Variants in LAMA2 observed in about 807,000 individuals in gnomAD.
LAMA2 encodes laminin subunit alpha 2, also known as laminin subunit alpha-2.
A neutral mutation model predicts 364.8 loss-of-function variants in LAMA2; 269 were observed. The observed-to-expected ratio is 0.74, with a 90% CI of 0.67 to 0.82. LAMA2 has a LOEUF of 0.82. Ranked by LOEUF, LAMA2 falls within the 40% of genes least tolerant of loss-of-function variation. LAMA2 has a pLI of 0.00. For synonymous variants in LAMA2, 1,379 were observed against 1,370.6 expected (o/e 1.01, Z -0.14); for missense variants, 3,807 against 3,873.2 (o/e 0.98, Z 0.45).
chr6:128,938,387 G>A (rs1779961096), intron 1 of LAMA2, among the ~76,000 whole-genome samples: 1 of 152,076 alleles, frequency 6.6e-6, no homozygotes, highest in African/African-American at 2.4e-5. Context: ...GACACTGTTT[G>A]CATGAATTAT....
chr6:129,136,098 C>T (rs1410577447), intron 4 of LAMA2, among the ~76,000 whole-genome samples: 1 of 150,886 alleles, frequency 6.6e-6, no homozygotes, highest in Non-Finnish European at 1.5e-5. Flanking sequence ...TTGAAAATTT[C>T]AGGCACTTAG....
chr6:129,226,052 C>T (rs1784248439), intron 12 of LAMA2, among the ~76,000 whole-genome samples: 2 of 152,174 alleles, frequency 1.3e-5, no homozygotes, highest in South Asian at 4.1e-4. Context: ...GGATAGTTAG[C>T]TCTTCTTGTT....
At chr6:129,017,961 C>G (rs1420226304) in intron 1 of LAMA2, among the ~76,000 whole-genome samples, 1 of 151,548 alleles carries the variant, frequency 6.6e-6, no homozygotes, top group African/African-American at 2.4e-5. Flanking sequence ...TATTTAACAT[C>G]CTGAAATCAG....
chr6:128,979,975 T>G (rs1782764127), intron 1 of LAMA2, among the ~76,000 whole-genome samples: 1 of 152,216 alleles, frequency 6.6e-6, no homozygotes, highest in African/African-American at 2.4e-5. Flanking sequence ...ACTAGGCAGA[T>G]GGGCTAGGTT....
At chr6:129,300,184 T>C (rs1046975912) in intron 21 of LAMA2, among the ~76,000 whole-genome samples, 5 of 152,184 alleles carry the variant, frequency 3.3e-5, no homozygotes, top group African/African-American at 1.2e-4. Flanking sequence ...AGTATCTTTA[T>C]ATATAAACAG....
intron 1 of LAMA2, among the ~76,000 whole-genome samples, chr6:128,979,931 A>G (rs1440923608): frequency 2.0e-5 from 3 of 152,242 alleles, no homozygotes; most frequent in Non-Finnish European, 4.4e-5. Context: ...TTTTGGAATT[A>G]TAATACAGGA....
chr6:129,399,449 T>C (rs1007752690), intron 37 of LAMA2, among the ~76,000 whole-genome samples: 2 of 152,188 alleles, frequency 1.3e-5, no homozygotes, highest in Admixed American at 6.5e-5. Flanking sequence ...TGCTGGTGAA[T>C]GGGCTGCACA....
chr6:129,297,291 C>A (rs918152097), intron 20 of LAMA2, among the ~76,000 whole-genome samples: 1 of 151,954 alleles, frequency 6.6e-6, no homozygotes, highest in Admixed American at 6.6e-5. Context: ...AAGTAGGAGT[C>A]CATAGATCTG....
At chr6:129,066,115 G>C (rs911224475) in intron 3 of LAMA2, among the ~76,000 whole-genome samples, 23 of 130,162 alleles carry the variant, frequency 1.8e-4, no homozygotes, top group African/African-American at 6.1e-4. Context: ...GCGGGATCTC[G>C]GCTCACTGCA....
chr6:128,890,222 C>T (rs771012140), intron 1 of LAMA2, among the ~76,000 whole-genome samples: 2 of 152,088 alleles, frequency 1.3e-5, no homozygotes, highest in African/African-American at 4.8e-5. Flanking sequence ...CATTTACTTA[C>T]GTAGCAGAGC....
At chr6:129,364,988 G>A (rs1326743258) in intron 32 of LAMA2, among the ~76,000 whole-genome samples, 1 of 152,176 alleles carries the variant, frequency 6.6e-6, no homozygotes, top group African/African-American at 2.4e-5. Context: ...ACTCTGTCAT[G>A]AGAACATCAC....
In LAMA2 at chr6:129,104,038, C is replaced by CT. The variant is rs569507476; in HGVS notation, c.639+5626dup. Among the ~76,000 whole-genome samples, 111 of 151,472 alleles carry CT rather than the reference C, an allele frequency of 7.3e-4. No individual in the cohort carries two copies. The Middle Eastern group carries it at 0.01, about 14-fold the overall frequency. On this transcript the variant is annotated intron_variant, in intron 4 of 64. Coordinates refer to ENST00000421865, the MANE Select transcript of LAMA2 (RefSeq NM_000426.4). ...CCTTCCTTCCTTTTTTTTCTTTCTT[C>CT]TTTACAAACAGGTTCTCATTGTGTT... is the stretch of plus-strand genomic sequence containing the variant.
intron 3 of LAMA2, among the ~76,000 whole-genome samples, chr6:129,067,116 C>T (rs1330357462): frequency 6.6e-6 from 1 of 152,212 alleles, no homozygotes; most frequent in Non-Finnish European, 1.5e-5. Context: ...AAACAATCAA[C>T]ATGGCTGCTC....
At chr6:128,928,556 A>G (rs1779241724) in intron 1 of LAMA2, among the ~76,000 whole-genome samples, 1 of 152,222 alleles carries the variant, frequency 6.6e-6, no homozygotes, top group African/African-American at 2.4e-5. Context: ...AAGCCGTTCA[A>G]GGAGAGGGAA....
chr6:129,349,234 G>A (rs911574214), intron 30 of LAMA2, 64 bp from the exon 31 acceptor site: 2 of 1,251,120 alleles, frequency 1.6e-6, no homozygotes, highest in African/African-American at 1.5e-5. Flanking sequence ...ATCATGGATA[G>A]GAATACTATT....
rs746619837 is a variant in LAMA2, at chr6:129,267,083, C to G, written c.2209-23C>G. Reference sequence around the variant, plus strand: ...TTTTTGTTTTAATCTCCAAGACTGACTAAAGCCTTATCTTTCTCTCAGTCT... The same window carrying G: ...TTTTTGTTTTAATCTCCAAGACTGAGTAAAGCCTTATCTTTCTCTCAGTCT... On this transcript the variant is annotated intron_variant, in intron 15 of 64. Transcript: ENST00000421865. 4.2e-6 allele frequency: 6 copies of G among 1,441,866 alleles called. No individual in the cohort carries two copies. In the Admixed American group the frequency reaches 1.0e-4, roughly 24 times the overall value. The allele number at this position is 1,441,866 out of a possible 1,614,324, so 89.3% of individuals were successfully genotyped here.
intron 41 of LAMA2, among the ~76,000 whole-genome samples, chr6:129,436,564 TATTGAAG>T (rs2114757343): frequency 6.6e-6 from 1 of 152,254 alleles, no homozygotes; most frequent in South Asian, 2.1e-4. Context: ...TTTACAGGTA[TATTGAAG>T]GGTAAATTTC....
At chr6:128,954,002 T>C (rs1043697466) in intron 1 of LAMA2, among the ~76,000 whole-genome samples, 4 of 152,192 alleles carry the variant, frequency 2.6e-5, no homozygotes, top group African/African-American at 7.2e-5. Context: ...ATTTTTGTTA[T>C]GCTAAATTTC....
At chr6:129,050,830 T>C (rs970976048) in intron 2 of LAMA2, among the ~76,000 whole-genome samples, 7 of 152,004 alleles carry the variant, frequency 4.6e-5, no homozygotes, top group African/African-American at 1.7e-4. Flanking sequence ...ACAGGAGAAG[T>C]GATTTAGGGA....
Sources: allele counts gnomAD v4.1 joint callset (sites outside exome capture counted in the v4.1 genomes callset), GRCh38; gene constraint gnomAD v4.1.1; transcripts MANE v1.5; gene names NCBI Gene and HGNC (gene_info 2026-07-23, HGNC 2026-07-21).